Variants in EML4 observed in about 807,000 individuals in gnomAD.
EML4 encodes EMAP like 4, also known as echinoderm microtubule-associated protein-like 4.
In EML4, 72 loss-of-function variants were observed where a neutral mutation model predicts 129.0. The observed-to-expected ratio is 0.56, with a 90% CI of 0.46 to 0.68. The LOEUF (loss-of-function observed/expected upper bound fraction) is 0.68. Among genes scored for constraint, EML4 ranks in the 30% least tolerant of loss-of-function variants. The pLI, the probability that EML4 is intolerant of heterozygous loss-of-function variation, is 0.00. For synonymous variants in EML4, 532 were observed against 405.0 expected, an observed-to-expected ratio of 1.31 and a Z score of -3.77; for missense variants, 1,363 against 1,190.6, an observed-to-expected ratio of 1.14 and a Z score of -2.13.
intron 2 of EML4, among the ~76,000 whole-genome samples, chr2:42,250,339 C>T (rs901116160): frequency 2.0e-5 from 3 of 152,166 alleles, no homozygotes; most frequent in Non-Finnish European, 4.4e-5. Context: ...TTGTATCATT[C>T]AGCTCCTGGT....
intron 1 of EML4, among the ~76,000 whole-genome samples, chr2:42,221,234 GC>G (rs1673572495): frequency 6.6e-6 from 1 of 152,042 alleles, no homozygotes; most frequent in Admixed American, 6.5e-5. Flanking sequence ...CAAAGGACAA[GC>G]TGACTGTTGA....
At chr2:42,220,839 C>T (rs779679579) in intron 1 of EML4, among the ~76,000 whole-genome samples, 6 of 152,138 alleles carry the variant, frequency 3.9e-5, no homozygotes, top group Admixed American at 6.5e-5. Flanking sequence ...ATTGCAGATA[C>T]GGAGAATGTT....
chr2:42,236,024 C>T (rs116219778), intron 1 of EML4, among the ~76,000 whole-genome samples: 293 of 152,222 alleles, frequency 1.9e-3, no homozygotes, highest in African/African-American at 6.7e-3. Context: ...GTTTTAATCA[C>T]GTAGATGTTC....
At chr2:42,239,118 T>G (rs1016759932) in intron 1 of EML4, among the ~76,000 whole-genome samples, 20 of 152,344 alleles carry the variant, frequency 1.3e-4, no homozygotes, top group African/African-American at 4.1e-4. Flanking sequence ...ACCACAGTGC[T>G]TGCAGCGTAG....
At chr2:42,298,620 T>C (rs755348881) in intron 13 of EML4, among the ~76,000 whole-genome samples, 22 of 152,300 alleles carry the variant, frequency 1.4e-4, no homozygotes, top group Middle Eastern at 3.4e-3. Flanking sequence ...GAAATAACTT[T>C]CCTGGAGTGA....
chr2:42,213,268 C>G (rs970142603), intron 1 of EML4, among the ~76,000 whole-genome samples: 5 of 152,200 alleles, frequency 3.3e-5, no homozygotes, highest in African/African-American at 1.2e-4. Flanking sequence ...CTCCCCCTCC[C>G]ACATCTAAGG....
chr2:42,223,563 A>G (rs1005143209), intron 1 of EML4, among the ~76,000 whole-genome samples: 2 of 152,146 alleles, frequency 1.3e-5, no homozygotes, highest in African/African-American at 4.8e-5. Context: ...GTAGCAGGTC[A>G]TCTTTCTTCT....
chr2:42,190,999 G>C (rs925067656), intron 1 of EML4, among the ~76,000 whole-genome samples: 2 of 152,032 alleles, frequency 1.3e-5, no homozygotes, highest in African/African-American at 4.8e-5. Flanking sequence ...GCAGGCCCCT[G>C]GTCTTGTGCA....
Position 42,286,312 on chromosome 2 carries a change from C to G in EML4, c.1055C>G (p.Ser352Cys), listed in dbSNP as rs767646130. The change falls in exon 10 of 23, where the codon TCC (serine) becomes TGC (cysteine). Residue 352 changes from serine to cysteine, a missense_variant. Ser to Cys is a moderately radical substitution (Grantham distance 112). Coordinates refer to ENST00000318522, the MANE Select transcript of EML4 (RefSeq NM_019063.5). The part of the protein sequence containing the change: ...HVRVWDSVTL[S>C]TLQIIGLGTF... ...AGAGTGTGGGATTCTGTTACTCTAT[C>G]CACACTGCAGATTATTGGACTTGGC... is the stretch of plus-strand genomic sequence containing the variant. The G allele has an allele frequency of 2.4e-5, 38 of 1,613,912 alleles. No homozygotes were observed. In the East Asian group the frequency reaches 4.0e-4, roughly 17 times the overall value.
chr2:42,266,717 G>C (rs551162933), intron 6 of EML4, among the ~76,000 whole-genome samples: 2 of 151,604 alleles, frequency 1.3e-5, no homozygotes, highest in Non-Finnish European at 2.9e-5. Flanking sequence ...GGGAATAACT[G>C]TGTTTAGTGG....
At chr2:42,324,337 C>G (rs551013952) in intron 19 of EML4, among the ~76,000 whole-genome samples, 2 of 152,148 alleles carry the variant, frequency 1.3e-5, no homozygotes, top group Non-Finnish European at 2.9e-5. Flanking sequence ...AGTAATTGAC[C>G]GGATACAGTG....
In EML4 at chr2:42,264,826, G is replaced by T. The variant is rs145879557; in HGVS notation, c.667+95G>T. The T allele has an allele frequency of 3.0e-4, 417 of 1,412,512 alleles. 2 individuals carry two copies. In the African/African-American group the frequency reaches 5.4e-3, roughly 18 times the overall value. 87.5% of individuals were successfully genotyped at this position (1,412,512 alleles called of 1,614,324 possible). A position where few individuals can be genotyped will look rare whatever the true frequency, so the allele number is the denominator to read the frequency against. ...TATTTTCATCCAGTGCACTTTATCAGTTCATAGTAATCAAAGAAAAGTGCG... is the reference window on the plus strand; with the variant it reads ...TATTTTCATCCAGTGCACTTTATCATTTCATAGTAATCAAAGAAAAGTGCG... On this transcript the variant is annotated intron_variant, in intron 6 of 22. Coordinates refer to ENST00000318522, the MANE Select transcript of EML4 (RefSeq NM_019063.5).
intron 2 of EML4, among the ~76,000 whole-genome samples, chr2:42,253,340 C>T (rs949725738): frequency 2.0e-5 from 3 of 152,130 alleles, no homozygotes; most frequent in African/African-American, 7.2e-5. Flanking sequence ...GTAATTCGTC[C>T]AAGATGCCTA....
chr2:42,222,501 T>C lies in EML4; in HGVS notation c.26-23004T>C, dbSNP rs778532788. Among the ~76,000 whole-genome samples the C allele has an allele frequency of 2.6e-5, 4 of 152,184 alleles. No individual in the cohort carries two copies. In the East Asian group the frequency reaches 7.7e-4, roughly 29 times the overall value. On this transcript the variant is annotated intron_variant, in intron 1 of 22. Transcript: ENST00000318522. Reference sequence around the variant, plus strand: ...ACATTTGTATAGTTAATATCTGTAGTTGCTTTTGTGCTGCCACAGCAGAGT... The same window carrying C: ...ACATTTGTATAGTTAATATCTGTAGCTGCTTTTGTGCTGCCACAGCAGAGT...
intron 6 of EML4, among the ~76,000 whole-genome samples, chr2:42,267,698 G>A (rs11686719): frequency 0.25 from 38,656 of 152,038 alleles, 5,898 homozygotes; most frequent in East Asian, 0.56. Context: ...TGAGATGTAC[G>A]CAGGGCAATC....
At chr2:42,286,035 C>G (rs1239609732) in intron 9 of EML4, 2 of 577,876 alleles carry the variant, frequency 3.5e-6, no homozygotes, top group Admixed American at 3.0e-5. Flanking sequence ...ATGTGTAATA[C>G]TTAGAATAGT....
At position 42,330,613 on chromosome 2, in the gene EML4, G is replaced by A. The variant is rs777704350; in HGVS notation, c.*406G>A. The A allele has an allele frequency of 2.6e-5, 7 of 265,464 alleles. No individual in the cohort carries two copies. The highest frequency in any genetic ancestry group is 4.4e-5 in the Non-Finnish European group (6 of 136,852). 16.4% of individuals were successfully genotyped at this position (265,464 alleles called of 1,614,324 possible). A position where few individuals can be genotyped will look rare whatever the true frequency, so the allele number is the denominator to read the frequency against. On this transcript the variant is annotated 3_prime_UTR_variant, in exon 23 of 23. Transcript: ENST00000318522. ...TGTTACTCATCTACTGGCTCAGACT[G>A]TACTACTTTTTTTTTTTTTTTTCCT...
rs1665970545 is a variant in EML4, at chr2:42,264,940, A to G, written c.667+209A>G. ...CCAGCAAAAATGTCAACTCGCGAAAAAAACAGCCAAGGTAAGAATAAGCTA... is the reference window on the plus strand; with the variant it reads ...CCAGCAAAAATGTCAACTCGCGAAAGAAACAGCCAAGGTAAGAATAAGCTA... On this transcript the variant is annotated intron_variant, in intron 6 of 22. Transcript: ENST00000318522. The G allele has an allele frequency of 5.2e-6, 8 of 1,550,508 alleles. No individual in the cohort carries two copies. In the African/African-American group the frequency reaches 6.8e-5, roughly 13 times the overall value.
intron 2 of EML4, among the ~76,000 whole-genome samples, chr2:42,250,035 A>G (rs919941352): frequency 6.6e-6 from 1 of 152,222 alleles, no homozygotes; most frequent in African/African-American, 2.4e-5. Context: ...TGGGAAACTC[A>G]TTAGGACCTC....
Sources: gnomAD v4.1 joint callset for allele counts (sites outside exome capture counted in the v4.1 genomes callset) on GRCh38, gnomAD v4.1.1 for gene constraint, MANE v1.5 for transcripts, NCBI Gene and HGNC (gene_info 2026-07-23, HGNC 2026-07-21) for gene names.